Variants in NBEAL1 observed in about 807,000 individuals in gnomAD.
NBEAL1 encodes the protein neurobeachin like 1.
In NBEAL1, 273 loss-of-function variants were observed where a neutral mutation model predicts 351.3. That is an observed-to-expected ratio of 0.78 (90% CI 0.70 to 0.86). The LOEUF is 0.86. NBEAL1 is among the 40% of genes least tolerant of loss of function. The probability of loss-of-function intolerance (pLI) is 0.00; values close to 1 mark genes in which losing one functional copy is unlikely to be tolerated. For synonymous variants in NBEAL1, 1,050 were observed against 1,086.4 expected (o/e 0.97, Z 0.66); for missense variants, 2,961 against 3,201.3 (o/e 0.92, Z 1.81).
intron 24 of NBEAL1, 45 bp from the exon 25 acceptor site, chr2:203,130,273 A>G (rs1204411381): frequency 8.1e-6 from 12 of 1,474,754 alleles, no homozygotes; most frequent in Non-Finnish European, 9.9e-6. Flanking sequence ...TTGTGCTTGT[A>G]TATATGAATG....
At chr2:203,078,163 A>G (rs2061810029) in intron 8 of NBEAL1, among the ~76,000 whole-genome samples, 2 of 152,184 alleles carry the variant, frequency 1.3e-5, no homozygotes. Flanking sequence ...ATCGAAGTCT[A>G]GTAGTTTGGT....
At chr2:203,091,471 T>C (rs996626283) in intron 10 of NBEAL1, among the ~76,000 whole-genome samples, 2 of 152,338 alleles carry the variant, frequency 1.3e-5, no homozygotes, top group Non-Finnish European at 1.5e-5. Context: ...TTCAGTTCTT[T>C]TGTGTATATA....
chr2:203,112,308 T>C (rs2062591645), intron 16 of NBEAL1, among the ~76,000 whole-genome samples: 1 of 152,128 alleles, frequency 6.6e-6, no homozygotes, highest in Non-Finnish European at 1.5e-5. Flanking sequence ...GGAAAACATT[T>C]AAGGAAGAAA....
intron 2 of NBEAL1, among the ~76,000 whole-genome samples, chr2:203,024,833 G>T (rs573494169): frequency 6.6e-6 from 1 of 152,250 alleles, no homozygotes; most frequent in South Asian, 2.1e-4. Context: ...CTGTACTCCA[G>T]TCTGGGCAAC....
In NBEAL1 at chr2:203,089,426, A is replaced by G. The variant is rs148252666; in HGVS notation, c.1098+4857A>G. On this transcript the variant is annotated intron_variant, in intron 10 of 55. Transcript: ENST00000683969. Reference sequence around the variant, plus strand: ...GCCTGTCGCAGAAAAGATGTCAAAGATGCTTTGGCTATTTTTCTCTCAATA... The same window carrying G: ...GCCTGTCGCAGAAAAGATGTCAAAGGTGCTTTGGCTATTTTTCTCTCAATA... Among the ~76,000 whole-genome samples the G allele has an allele frequency of 1.3e-4, 20 of 152,280 alleles. No homozygotes were observed. In the East Asian group the frequency reaches 3.7e-3, roughly 28 times the overall value.
intron 51 of NBEAL1, among the ~76,000 whole-genome samples, chr2:203,206,560 C>T (rs1014562527): frequency 1.3e-5 from 2 of 150,016 alleles, no homozygotes; most frequent in Non-Finnish European, 3.0e-5. Flanking sequence ...CAATTGCAGG[C>T]GCGCGCCGCC....
intron 53 of NBEAL1, 72 bp from the exon 54 acceptor site, chr2:203,210,886 C>T (rs2065769433): frequency 1.2e-6 from 1 of 822,742 alleles, no homozygotes; most frequent in Admixed American, 3.0e-5. Context: ...CTGTTATAGT[C>T]AGAGTTTTAA....
intron 2 of NBEAL1, among the ~76,000 whole-genome samples, chr2:203,016,981 A>C (rs182883166): frequency 6.6e-6 from 1 of 152,276 alleles, no homozygotes; most frequent in Admixed American, 6.5e-5. Context: ...AAACTGATGC[A>C]AGGGTTACAG....
rs1559038751 is a variant in NBEAL1 at position 203,175,258 on chromosome 2, C to T, written c.6435C>T (p.Thr2145=). The T allele has an allele frequency of 6.2e-7, 1 of 1,613,456 alleles. No individual in the cohort carries two copies. Among genetic ancestry groups the T allele is most frequent in the East Asian group, 2.2e-5 (1 of 44,856 alleles). ...MHYLIRVEPF[T]TLHIQLQSGR... Reference sequence around the variant, plus strand: ...ATCTCATTCGTGTAGAACCGTTCACCACCCTCCACATCCAACTTCAGAGTG... The same window carrying T: ...ATCTCATTCGTGTAGAACCGTTCACTACCCTCCACATCCAACTTCAGAGTG... Residue 2145 remains threonine, a synonymous_variant, in exon 42 of 56, where the codon ACC becomes ACT. Coordinates refer to ENST00000683969, the MANE Select transcript of NBEAL1 (RefSeq NM_001378026.1).
At chr2:203,141,375 T>TTTTTTTTTTTATTTTTTA (rs2063374460) in intron 31 of NBEAL1, among the ~76,000 whole-genome samples, 1 of 63,694 alleles carries the variant, frequency 1.6e-5, no homozygotes, top group African/African-American at 5.9e-5. Context: ...TATTTTTTTT[T>TTTTTTTTTTTATTTTTTA]TTTTTTTTTT....
At chr2:203,123,376 G>T (rs1301245700) in intron 19 of NBEAL1, among the ~76,000 whole-genome samples, 2 of 142,116 alleles carry the variant, frequency 1.4e-5, no homozygotes, top group Admixed American at 1.5e-4. Flanking sequence ...TTTTGCTGTC[G>T]CCCTGGCTGG....
At chr2:203,086,225 A>G (rs1180433443) in intron 10 of NBEAL1, 2 of 151,668 alleles carry the variant, frequency 1.3e-5, no homozygotes, top group African/African-American at 2.4e-5. Context: ...ATGTCAACAC[A>G]CTCATCTTCT....
In NBEAL1 at chr2:203,056,465, A is replaced by G. The variant is rs1019070350; in HGVS notation, c.344A>G (p.Tyr115Cys). ...GTGGAAGAAATTGGGACTTGCTCGT[A>G]CATTAATTATGTCATCACCATGACA... ...SNVEEIGTCS[Y>C]INYVITMTTL... The change falls in exon 5 of 56, where the codon TAC becomes TGC. Residue 115 changes from tyrosine (Y) to cysteine (C), a missense_variant. Tyr to Cys is a radical substitution (Grantham distance 194, BLOSUM62 -2). Coordinates refer to ENST00000683969, the MANE Select transcript of NBEAL1 (RefSeq NM_001378026.1). The G allele has an allele frequency of 1.3e-6, 2 of 1,550,994 alleles. No homozygotes were observed. Among genetic ancestry groups the G allele is most frequent in the Non-Finnish European group, 8.7e-7 (1 of 1,144,662 alleles).
chr2:203,041,490 C>T (rs187070070), intron 2 of NBEAL1, among the ~76,000 whole-genome samples: 18 of 152,268 alleles, frequency 1.2e-4, no homozygotes, highest in African/African-American at 4.3e-4. Context: ...CAGTATAGTA[C>T]AGGGTAACAG....
chr2:203,084,644 CAT>C, intron 10 of NBEAL1, 75 bp downstream of exon 10: 1 of 734,778 alleles, frequency 1.4e-6, no homozygotes, highest in Non-Finnish European at 2.0e-6. Flanking sequence ...CACATTTGAA[CAT>C]ATTTTTACTA....
At position 203,217,918 on chromosome 2, in the gene NBEAL1, T is replaced by C; in HGVS notation, c.*564T>C. ...TACATTAGCTAATTCTATTACTACTTAGCGTGTTTCTAATGAGAAGTTACT... is the reference window on the plus strand; with the variant it reads ...TACATTAGCTAATTCTATTACTACTCAGCGTGTTTCTAATGAGAAGTTACT... On this transcript the variant is annotated 3_prime_UTR_variant, in exon 56 of 56. Transcript: ENST00000683969. 1.0e-6 allele frequency: 1 copy of C among 970,974 alleles called. No homozygotes were observed. Among genetic ancestry groups the C allele is most frequent in the Non-Finnish European group, 1.2e-6 (1 of 816,812 alleles). The allele number at this position is 970,974 out of a possible 1,614,324, so 60.1% of individuals were successfully genotyped here. A position where few individuals can be genotyped will look rare whatever the true frequency, so the allele number is the denominator to read the frequency against.
chr2:203,157,643 A>G, intron 35 of NBEAL1, 56 bp from the exon 36 acceptor site: 11 of 1,312,476 alleles, frequency 8.4e-6, no homozygotes, highest in African/African-American at 1.5e-5. Flanking sequence ...AATTACAGAA[A>G]GGCTATAATA....
At chr2:203,211,763 G>C (rs1212392360) in intron 54 of NBEAL1, among the ~76,000 whole-genome samples, 2 of 152,186 alleles carry the variant, frequency 1.3e-5, no homozygotes, top group South Asian at 2.1e-4. Flanking sequence ...TTTCTTAACT[G>C]TGGTAAAATA....
At chr2:203,137,285 T>G (rs2063238264) in intron 29 of NBEAL1, among the ~76,000 whole-genome samples, 1 of 152,220 alleles carries the variant, frequency 6.6e-6, no homozygotes, top group African/African-American at 2.4e-5. Context: ...TTTTTGTGAT[T>G]TTTTTAAGCT....
Sources: gnomAD v4.1 joint callset for allele counts (sites outside exome capture counted in the v4.1 genomes callset) on GRCh38, gnomAD v4.1.1 for gene constraint, MANE v1.5 for transcripts, NCBI Gene and HGNC (gene_info 2026-07-23, HGNC 2026-07-21) for gene names.